The following RABGAP1L variants were observed in gnomAD, a reference collection of about 807,000 sequenced individuals.
RABGAP1L encodes the protein rab GTPase-activating protein 1-like.
RABGAP1L carries 63 observed loss-of-function variants against 137.7 expected under a neutral mutation model. The ratio of observed to expected loss-of-function variants is 0.46; its 90% CI spans 0.37 to 0.56. The LOEUF is 0.56. Ranked by LOEUF, RABGAP1L falls within the 20% of genes least tolerant of loss-of-function variation. RABGAP1L has a pLI of 0.00. For missense variants in RABGAP1L, 1,095 were observed against 1,244.0 expected (o/e 0.88, Z 1.80); for synonymous variants, 431 against 433.7 (o/e 0.99, Z 0.08).
chr1:174,874,702 G>A (rs1458689973), intron 19 of RABGAP1L, among the ~76,000 whole-genome samples: 3 of 150,570 alleles, frequency 2.0e-5, no homozygotes, highest in East Asian at 2.0e-4. Context: ...ACAGGAGTTC[G>A]TAGACAGGAC....
At position 174,547,545 on chromosome 1, in the gene RABGAP1L, A is replaced by G. The variant is rs141040760; in HGVS notation, c.1711-89830A>G. Among the ~76,000 whole-genome samples the G allele has an allele frequency of 6.8e-4, 103 of 152,322 alleles. 1 individual carries two copies. Among genetic ancestry groups the G allele is most frequent in the Non-Finnish European group, 1.2e-4 (8 of 68,020 alleles). On this transcript the variant is annotated intron_variant, in intron 13 of 25. Coordinates refer to ENST00000681986, the MANE Select transcript of RABGAP1L (RefSeq NM_001366446.1). ...GGTGGGAAAATCACCTGAGCACAGG[A>G]AGTTGAGGAAGCAGTGAGCTGTGAT...
chr1:174,218,905 A>G (rs1216610400), intron 1 of RABGAP1L, among the ~76,000 whole-genome samples: 2 of 152,184 alleles, frequency 1.3e-5, no homozygotes, highest in African/African-American at 2.4e-5. Context: ...TTAGGTAACA[A>G]TATGGCTCTA....
rs564151133 is a variant in RABGAP1L at position 174,487,508 on chromosome 1, A to G, written c.1710+93363A>G. 2.0e-5 allele frequency among the ~76,000 whole-genome samples: 3 copies of G among 152,060 alleles called. No individual in the cohort carries two copies. In the East Asian group the frequency reaches 5.8e-4, roughly 29 times the overall value. On this transcript the variant is annotated intron_variant, in intron 13 of 25. Transcript: ENST00000681986. ...TTCCATTCCTTTGGTTTTAGTCTAC[A>G]TATGTCTTTTTAGGTAAAGTGTTTT...
chr1:174,352,578 C>T (rs1014801975), intron 11 of RABGAP1L, among the ~76,000 whole-genome samples: 1 of 152,144 alleles, frequency 6.6e-6, no homozygotes, highest in African/African-American at 2.4e-5. Context: ...ATTGCTAGTG[C>T]TTCATTTAGT....
intron 5 of RABGAP1L, among the ~76,000 whole-genome samples, chr1:174,242,299 A>C (rs1206601727): frequency 6.6e-6 from 1 of 152,260 alleles, no homozygotes; most frequent in Non-Finnish European, 1.5e-5. Flanking sequence ...GATTAAATGC[A>C]GTTAATTACA....
chr1:174,384,093 G>A (rs1424522463), intron 12 of RABGAP1L, among the ~76,000 whole-genome samples: 2 of 152,196 alleles, frequency 1.3e-5, no homozygotes, highest in South Asian at 2.1e-4. Flanking sequence ...ATGCTACTGA[G>A]CAATTAAAAG....
intron 6 of RABGAP1L, 121 bp from the exon 7 acceptor site, chr1:174,252,359 A>C (rs1055394604): frequency 2.5e-6 from 3 of 1,192,460 alleles, no homozygotes; most frequent in Non-Finnish European, 3.4e-6. Flanking sequence ...AGAGTTTAGT[A>C]TATCTTAAGA....
At chr1:174,234,889 C>G (rs1671023492) in intron 4 of RABGAP1L, among the ~76,000 whole-genome samples, 2 of 138,780 alleles carry the variant, frequency 1.4e-5, no homozygotes, top group Admixed American at 7.2e-5. Context: ...TTGATTCTTC[C>G]TACCCATGAG....
intron 19 of RABGAP1L, among the ~76,000 whole-genome samples, chr1:174,902,394 G>A (rs924856361): frequency 2.6e-5 from 4 of 152,280 alleles, no homozygotes; most frequent in African/African-American, 7.2e-5. Flanking sequence ...GGGATTCCAC[G>A]CCAGTCGGTC....
intron 12 of RABGAP1L, among the ~76,000 whole-genome samples, chr1:174,388,342 T>G (rs1686969145): frequency 6.6e-6 from 1 of 151,912 alleles, no homozygotes; most frequent in African/African-American, 2.4e-5. Flanking sequence ...AATACTAATT[T>G]GAAATCATTA....
At chr1:174,457,112 T>C (rs1160143260) in intron 13 of RABGAP1L, among the ~76,000 whole-genome samples, 2 of 152,166 alleles carry the variant, frequency 1.3e-5, no homozygotes, top group African/African-American at 4.8e-5. Context: ...AACTATGCAA[T>C]ACATTGTAGC....
At chr1:174,589,002 T>A (rs945829134) in intron 13 of RABGAP1L, among the ~76,000 whole-genome samples, 1 of 152,212 alleles carries the variant, frequency 6.6e-6, no homozygotes, top group Admixed American at 6.5e-5. Context: ...TGGTTCTGTT[T>A]TTAATTTTTT....
chr1:174,882,536 T>TC (rs1248415156), intron 19 of RABGAP1L, among the ~76,000 whole-genome samples: 4 of 152,184 alleles, frequency 2.6e-5, no homozygotes, highest in Admixed American at 2.0e-4. Flanking sequence ...ATTCAATCGT[T>TC]TAAAGGCTTT....
intron 13 of RABGAP1L, among the ~76,000 whole-genome samples, chr1:174,431,724 G>A (rs1652654860): frequency 6.6e-6 from 1 of 152,084 alleles, no homozygotes. Context: ...AATTCTTATG[G>A]AAATCAAACA....
At chr1:174,400,421 A>G (rs964724806) in intron 13 of RABGAP1L, among the ~76,000 whole-genome samples, 3 of 152,052 alleles carry the variant, frequency 2.0e-5, no homozygotes, top group Non-Finnish European at 4.4e-5. Context: ...TCCTTATGAA[A>G]TAGCCTATGC....
chr1:174,619,462 A>T (rs978829240), intron 13 of RABGAP1L, among the ~76,000 whole-genome samples: 2 of 152,256 alleles, frequency 1.3e-5, no homozygotes, highest in Non-Finnish European at 2.9e-5. Flanking sequence ...TCTACAAGCC[A>T]GAAGAGAGTG....
chr1:174,960,655 A>G (rs1253664740), intron 20 of RABGAP1L, among the ~76,000 whole-genome samples: 1 of 152,166 alleles, frequency 6.6e-6, no homozygotes, highest in Admixed American at 6.5e-5. Flanking sequence ...AAAAAAGCAG[A>G]ATATTCCAGG....
At chr1:174,368,389 T>A (rs1261335680) in intron 11 of RABGAP1L, among the ~76,000 whole-genome samples, 1 of 152,242 alleles carries the variant, frequency 6.6e-6, no homozygotes, top group Non-Finnish European at 1.5e-5. Flanking sequence ...CTTAGCATCT[T>A]AATAAATTCA....
chr1:174,673,876 T>C (rs1677369403), intron 14 of RABGAP1L, among the ~76,000 whole-genome samples: 1 of 152,128 alleles, frequency 6.6e-6, no homozygotes, highest in Admixed American at 6.5e-5. Flanking sequence ...ATATGGTACT[T>C]TGCTACCTCA....
Sources: gnomAD v4.1 joint callset for allele counts (sites outside exome capture counted in the v4.1 genomes callset) on GRCh38, gnomAD v4.1.1 for gene constraint, MANE v1.5 for transcripts, NCBI Gene and HGNC (gene_info 2026-07-23, HGNC 2026-07-21) for gene names.